The following PUDP variants were observed in gnomAD, a reference collection of about 807,000 sequenced individuals.
The protein encoded by PUDP is pseudouridine 5'-phosphatase, also known as pseudouridine-5'-phosphatase.
In PUDP, 8 loss-of-function variants were observed where a neutral mutation model predicts 9.4. That is an observed-to-expected ratio of 0.85 (90% confidence interval 0.50 to 1.53). The LOEUF is 1.53. Ranked by LOEUF, PUDP falls within the 40% of genes most tolerant of loss-of-function variation. The pLI is 0.00. For missense variants in PUDP, 188 were observed against 189.7 expected, an observed-to-expected ratio of 0.99 and a Z score of 0.05; for synonymous variants, 99 against 80.7, an observed-to-expected ratio of 1.23 and a Z score of -1.22.
chrX:6,920,950 C>A (rs1383160785), intron 3 of PUDP, among the ~76,000 whole-genome samples: 1 of 111,405 alleles, frequency 9.0e-6, no homozygotes, highest in Non-Finnish European at 1.9e-5. Flanking sequence ...TCCCCTGCAG[C>A]CCCCTAAGTA....
rs868390055 is a variant in PUDP, at chrX:6,883,535, A to G, written c.*247+93598T>C. Among the ~76,000 whole-genome samples the G allele has an allele frequency of 1.6e-3, 177 of 110,089 alleles. 1 individual carries two copies. The highest frequency in any genetic ancestry group is 5.4e-3 in the African/African-American group (165 of 30,329). ...AGACCTTGTCTCAAAAAAAAAAAAA[A>G]AAAAAAAATTTTAAACAATCTGCAT... On this transcript the variant is annotated intron_variant and NMD_transcript_variant, in intron 3 of 3. Transcript: ENST00000655425.
intron 3 of PUDP, among the ~76,000 whole-genome samples, chrX:6,941,335 T>G (rs1928394949): frequency 2.0e-5 from 2 of 100,511 alleles, no homozygotes; most frequent in Admixed American, 1.1e-4. Context: ...TCTTTTTCTT[T>G]TCTGTCTTTT....
intron 3 of PUDP, among the ~76,000 whole-genome samples, chrX:6,794,433 G>C (rs185006739): frequency 3.3e-4 from 37 of 112,145 alleles, no homozygotes; most frequent in Admixed American, 3.1e-3. Flanking sequence ...TCGCAGGACT[G>C]GAAGTTATTC....
chrX:6,994,856 A>G (rs749968951), intron 1 of PUDP, among the ~76,000 whole-genome samples: 1 of 111,818 alleles, frequency 8.9e-6, no homozygotes, highest in Non-Finnish European at 1.9e-5. Context: ...ATGTCATGTC[A>G]TAACAGAGAA....
intron 3 of PUDP, among the ~76,000 whole-genome samples, chrX:7,072,300 A>G (rs1013301878): frequency 8.9e-6 from 1 of 112,073 alleles, no homozygotes; most frequent in Non-Finnish European, 1.9e-5. Context: ...CCCTGGTATT[A>G]TACAAAAAAA....
At chrX:6,930,803 C>T (rs767427008) in intron 3 of PUDP, among the ~76,000 whole-genome samples, 1 of 110,802 alleles carries the variant, frequency 9.0e-6, no homozygotes, top group East Asian at 2.8e-4. Flanking sequence ...AGTGACAATT[C>T]CTTTAGATCA....
At chrX:6,862,606 A>G (rs1237651162) in intron 3 of PUDP, among the ~76,000 whole-genome samples, 4 of 111,994 alleles carry the variant, frequency 3.6e-5, no homozygotes, top group Non-Finnish European at 7.5e-5. Flanking sequence ...TTCCATTTGA[A>G]TAACTCACTC....
chrX:7,011,568 C>G (rs1398126034), intron 1 of PUDP, among the ~76,000 whole-genome samples: 1 of 110,986 alleles, frequency 9.0e-6, no homozygotes. Context: ...AAGCCATCTA[C>G]TTATGCACAT....
chrX:6,806,032 G>A (rs61060046), intron 3 of PUDP, among the ~76,000 whole-genome samples: 46,238 of 109,263 alleles, frequency 0.42, 9,203 homozygotes, highest in African/African-American at 0.75. Flanking sequence ...TCTAGTAAAA[G>A]TGGTGAGACA....
chrX:7,087,471 G>A (rs1208512409), intron 2 of PUDP, among the ~76,000 whole-genome samples: 1 of 111,647 alleles, frequency 9.0e-6, no homozygotes, highest in Non-Finnish European at 1.9e-5. Flanking sequence ...TTTAAGCCAC[G>A]GAGTTTGTTA....
At chrX:6,853,560 CACT>C (rs781032330) in intron 3 of PUDP, among the ~76,000 whole-genome samples, 110 of 110,385 alleles carry the variant, frequency 1.0e-3, no homozygotes, top group African/African-American at 3.4e-3. Flanking sequence ...CAACCATCAC[CACT>C]ATCTACTTCC....
At chrX:6,931,195 C>T (rs751569389) in intron 3 of PUDP, among the ~76,000 whole-genome samples, 1 of 111,294 alleles carries the variant, frequency 9.0e-6, no homozygotes, top group Non-Finnish European at 1.9e-5. Flanking sequence ...TTATTATTAG[C>T]GCCAGGACCT....
intron 1 of PUDP, among the ~76,000 whole-genome samples, chrX:7,121,948 G>A (rs1932353927): frequency 8.9e-6 from 1 of 112,324 alleles, no homozygotes; most frequent in African/African-American, 3.2e-5. Flanking sequence ...CACCTGGGAA[G>A]CTGTGGCAAG....
At chrX:7,143,900 A>G (rs1397135901) in intron 1 of PUDP, among the ~76,000 whole-genome samples, 1 of 111,679 alleles carries the variant, frequency 9.0e-6, no homozygotes, top group Non-Finnish European at 1.9e-5. Flanking sequence ...AACGTGGAAG[A>G]GAACCTACAT....
At chrX:7,139,474 C>T (rs60775598) in intron 1 of PUDP, among the ~76,000 whole-genome samples, 180 of 111,836 alleles carry the variant, frequency 1.6e-3, no homozygotes, top group African/African-American at 5.5e-3. Context: ...GCTGGATACA[C>T]AGTGCTGGGC....
chrX:6,972,923 G>T (rs1460018289), intron 3 of PUDP, among the ~76,000 whole-genome samples: 2 of 111,496 alleles, frequency 1.8e-5, no homozygotes, highest in African/African-American at 6.5e-5. Context: ...ACTTCTTCCT[G>T]GTTTAGTCTT....
chrX:6,920,985 T>C (rs1467359651), intron 3 of PUDP, among the ~76,000 whole-genome samples: 2 of 111,246 alleles, frequency 1.8e-5, no homozygotes, highest in Non-Finnish European at 3.8e-5. Context: ...ATATACCCCA[T>C]GGACCACTGG....
rs1408564466 is a variant in PUDP, at chrX:7,105,859, A to AATT, written c.62-22_62-21insAAT. 3 of 1,061,662 alleles carry AATT rather than the reference A, an allele frequency of 2.8e-6. No homozygotes were observed. The African/African-American group carries it at 5.6e-5, about 20-fold the overall frequency. 87.5% of individuals were successfully genotyped at this position (1,061,662 alleles called of 1,213,427 possible). ...AGTATCTGCAGGAAAAAAAAAAGAG[A>AATT]TTTTTAGAGTGCATACTGTATGAAC... On this transcript the variant is annotated intron_variant, in intron 1 of 3. Coordinates refer to ENST00000381077, the MANE Select transcript of PUDP (RefSeq NM_012080.5).
intron 3 of PUDP, among the ~76,000 whole-genome samples, chrX:6,877,146 GA>G (rs1179897828): frequency 9.1e-6 from 1 of 109,762 alleles, no homozygotes; most frequent in Non-Finnish European, 1.9e-5. Flanking sequence ...TTTGAAGAGA[GA>G]GGGGTCTTTC....
Sources: allele counts gnomAD v4.1 joint callset (sites outside exome capture counted in the v4.1 genomes callset), GRCh38; gene constraint gnomAD v4.1.1; transcripts MANE v1.5; gene names NCBI Gene and HGNC (gene_info 2026-07-23, HGNC 2026-07-21).